PKHD1: variants seen among roughly 807,000 people sequenced by gnomAD.
PKHD1 encodes fibrocystin.
A neutral mutation model predicts 412.0 loss-of-function variants in PKHD1; 291 were observed. That is an observed-to-expected ratio of 0.71 (90% CI 0.64 to 0.78). The LOEUF is 0.78. Ranked by LOEUF, PKHD1 falls within the 30% of genes least tolerant of loss-of-function variation. The pLI is 0.00. For synonymous variants in PKHD1, 1,777 were observed against 1,821.5 expected, an observed-to-expected ratio of 0.98 and a Z score of 0.62; for missense variants, 4,825 against 4,950.7, an observed-to-expected ratio of 0.97 and a Z score of 0.76.
intron 50 of PKHD1, among the ~76,000 whole-genome samples, chr6:51,839,036 T>G (rs1007289262): frequency 6.6e-6 from 1 of 152,222 alleles, no homozygotes; most frequent in Non-Finnish European, 1.5e-5. Context: ...ATGCTTTTAC[T>G]TTCTACTCTT....
chr6:51,660,250 T>C lies in PKHD1; in HGVS notation c.10157-281A>G, dbSNP rs1239133378. The stretch of plus-strand genomic sequence containing the variant: ...AAAAGGAGTTGAAGAAGTAAAAGAA[T>C]CAAGACAATGAAATAATCATTAAGG... On this transcript the variant is annotated intron_variant, in intron 60 of 66. Coordinates refer to ENST00000371117, the MANE Select transcript of PKHD1 (RefSeq NM_138694.4). 2.0e-5 allele frequency among the ~76,000 whole-genome samples: 3 copies of C among 152,118 alleles called. No individual in the cohort carries two copies. In the East Asian group the frequency reaches 5.8e-4, roughly 29 times the overall value.
At chr6:51,809,189 CT>C (rs1448072608) in intron 52 of PKHD1, among the ~76,000 whole-genome samples, 1 of 151,980 alleles carries the variant, frequency 6.6e-6, no homozygotes, top group Non-Finnish European at 1.5e-5. Context: ...CTTGTATTTC[CT>C]TTTGATTCCT....
At position 51,851,161 on chromosome 6, in the gene PKHD1, G is replaced by T. The variant is rs568316797; in HGVS notation, c.7912-3191C>A. Among the ~76,000 whole-genome samples the T allele has an allele frequency of 1.3e-3, 195 of 152,232 alleles. 1 individual carries two copies. Among genetic ancestry groups the T allele is most frequent in the Middle Eastern group, 0.01 (3 of 294 alleles). ...TGCATCTATTGAAAAAAATCAAGTG[G>T]TTTTTGTCTTTGGTTCTGTTTATGT... On this transcript the variant is annotated intron_variant, in intron 49 of 66. Coordinates refer to ENST00000371117, the MANE Select transcript of PKHD1 (RefSeq NM_138694.4).
chr6:51,846,565 A>G (rs1284558844), intron 50 of PKHD1, among the ~76,000 whole-genome samples: 1 of 152,222 alleles, frequency 6.6e-6, no homozygotes, highest in African/African-American at 2.4e-5. Context: ...AGAGAGACCA[A>G]TGCTGACATG....
chr6:51,734,823 T>G (rs1181673471), intron 60 of PKHD1, among the ~76,000 whole-genome samples: 1 of 152,224 alleles, frequency 6.6e-6, no homozygotes, highest in Non-Finnish European at 1.5e-5. Context: ...TTAGCCATCT[T>G]ATTAGGTATT....
intron 27 of PKHD1, among the ~76,000 whole-genome samples, chr6:52,039,109 C>T (rs1804409479): frequency 6.6e-6 from 1 of 152,110 alleles, no homozygotes; most frequent in East Asian, 1.9e-4. Flanking sequence ...GTATAAATGG[C>T]CAATAAGCAC....
chr6:51,896,661 G>A (rs1424980984), intron 43 of PKHD1, among the ~76,000 whole-genome samples: 203 of 152,174 alleles, frequency 1.3e-3, no homozygotes, highest in African/African-American at 4.6e-3. Context: ...AAAGCTGGAC[G>A]GAGAATGACT....
chr6:51,955,979 AT>A (rs1174590623), intron 36 of PKHD1, among the ~76,000 whole-genome samples: 1 of 152,022 alleles, frequency 6.6e-6, no homozygotes, highest in Admixed American at 6.6e-5. Context: ...GTTGATGATG[AT>A]TGTGATTATT....
intron 14 of PKHD1, 55 bp from the exon 15 acceptor site, chr6:52,060,097 C>T: frequency 1.1e-6 from 1 of 927,950 alleles, no homozygotes; most frequent in Non-Finnish European, 1.8e-6. Context: ...AATCACTGAA[C>T]CAACAAATGA....
At chr6:52,020,408 G>A (rs1801228540) in intron 33 of PKHD1, among the ~76,000 whole-genome samples, 1 of 152,160 alleles carries the variant, frequency 6.6e-6, no homozygotes, top group South Asian at 2.1e-4. Flanking sequence ...GAACTTGCTT[G>A]TATAGAACAG....
At chr6:51,811,838 T>C (rs1242168964) in intron 52 of PKHD1, among the ~76,000 whole-genome samples, 2 of 152,192 alleles carry the variant, frequency 1.3e-5, no homozygotes, top group Non-Finnish European at 2.9e-5. Context: ...ATAGCAGTTA[T>C]CCAGGGGAGG....
intron 43 of PKHD1, among the ~76,000 whole-genome samples, chr6:51,899,123 T>A (rs1220265058): frequency 6.6e-6 from 1 of 152,148 alleles, no homozygotes; most frequent in African/African-American, 2.4e-5. Flanking sequence ...CTGAAACTAT[T>A]CCAATCCATA....
At chr6:51,965,577 G>A (rs551789130) in intron 35 of PKHD1, among the ~76,000 whole-genome samples, 74 of 151,704 alleles carry the variant, frequency 4.9e-4, no homozygotes, top group Non-Finnish European at 7.5e-4. Context: ...TTCTTTTCTC[G>A]GTGGTTATAA....
intron 33 of PKHD1, among the ~76,000 whole-genome samples, chr6:52,022,182 C>T (rs2499485): frequency 0.044 from 6,626 of 152,268 alleles, 231 homozygotes; most frequent in South Asian, 0.085. Context: ...CACAAAGACA[C>T]GGCTTCTCAT....
intron 37 of PKHD1, among the ~76,000 whole-genome samples, chr6:51,923,065 C>T (rs1417508374): frequency 6.6e-6 from 1 of 152,160 alleles, no homozygotes; most frequent in Non-Finnish European, 1.5e-5. Context: ...CCTATTCAGC[C>T]ATCTTGGAAC....
intron 50 of PKHD1, among the ~76,000 whole-genome samples, chr6:51,842,041 T>C (rs1770299925): frequency 1.3e-5 from 2 of 152,238 alleles, no homozygotes; most frequent in Non-Finnish European, 2.9e-5. Flanking sequence ...GCACACACAA[T>C]AAAGTCCATC....
chr6:51,716,078 C>T (rs959907842), intron 60 of PKHD1, among the ~76,000 whole-genome samples: 4 of 152,228 alleles, frequency 2.6e-5, no homozygotes, highest in African/African-American at 9.6e-5. Flanking sequence ...ACTAAAGGCA[C>T]ATTTGCTAAA....
chr6:51,658,967 C>A lies in PKHD1; in HGVS notation c.11159G>T (p.Gly3720Val). Residue 3720 changes from glycine (G) to valine (V), a missense_variant, in exon 61 of 67, where the codon GGA (glycine) becomes GTA (valine). By Grantham distance (109) the Gly-to-Val change is moderately radical. Coordinates refer to ENST00000371117, the MANE Select transcript of PKHD1 (RefSeq NM_138694.4). ...IGALLVTQSK[G>V]VIGYGNTSSF... ...TAGTACTTACCCATAGCCAATGACT[C>A]CCTTTGACTGAGTAACTAGTAAGGC... 1 of 1,610,668 alleles carries A rather than the reference C, an allele frequency of 6.2e-7. No individual in the cohort carries two copies. Among genetic ancestry groups the A allele is most frequent in the Non-Finnish European group, 8.5e-7 (1 of 1,177,016 alleles).
chr6:52,063,645 G>T (rs1809025998), intron 13 of PKHD1, among the ~76,000 whole-genome samples: 1 of 152,092 alleles, frequency 6.6e-6, no homozygotes, highest in African/African-American at 2.4e-5. Context: ...GTTGTGAGGG[G>T]GTGTCCTATG....
Sources: allele counts gnomAD v4.1 joint callset (sites outside exome capture counted in the v4.1 genomes callset), GRCh38; gene constraint gnomAD v4.1.1; transcripts MANE v1.5; gene names NCBI Gene and HGNC (gene_info 2026-07-23, HGNC 2026-07-21).